Variants in SLAMF1 observed in about 807,000 individuals in gnomAD.
The protein encoded by SLAMF1 is signaling lymphocytic activation molecule.
SLAMF1 carries 18 observed loss-of-function variants against 35.1 expected under a neutral mutation model. The ratio of observed to expected loss-of-function variants is 0.51; its 90% CI spans 0.35 to 0.76. SLAMF1 has a LOEUF of 0.76. SLAMF1 is among the 30% of genes least tolerant of loss of function. The probability of loss-of-function intolerance (pLI) is 0.01; values close to 1 mark genes in which losing one functional copy is unlikely to be tolerated. For synonymous variants in SLAMF1, 168 were observed against 157.2 expected, an observed-to-expected ratio of 1.07 and a Z score of -0.51; for missense variants, 392 against 413.0, an observed-to-expected ratio of 0.95 and a Z score of 0.44.
chr1:160,645,830 C>T (rs139224528), intron 1 of SLAMF1, among the ~76,000 whole-genome samples: 2 of 152,214 alleles, frequency 1.3e-5, no homozygotes, highest in Non-Finnish European at 2.9e-5. Flanking sequence ...TTGTGCAGCA[C>T]CCCCACATCC....
chr1:160,619,940 C>T (rs188595623), intron 4 of SLAMF1, 91 bp from the exon 5 acceptor site: 38 of 835,566 alleles, frequency 4.5e-5, no homozygotes, highest in Non-Finnish European at 7.4e-5. Context: ...TTTGCATACC[C>T]ACTTTCCCCA....
chr1:160,620,000 T>C, intron 4 of SLAMF1, 151 bp from the exon 5 acceptor site: 1 of 663,522 alleles, frequency 1.5e-6, no homozygotes, highest in Non-Finnish European at 2.7e-6. Context: ...TGCACATTTG[T>C]CATATTGTCT....
chr1:160,646,522 G>T (rs1661046631), intron 1 of SLAMF1, among the ~76,000 whole-genome samples: 1 of 152,146 alleles, frequency 6.6e-6, no homozygotes, highest in South Asian at 2.1e-4. Flanking sequence ...GTCTCTCTAG[G>T]CTGGGTCTTT....
At chr1:160,638,882 C>T (rs1571009334) in intron 1 of SLAMF1, among the ~76,000 whole-genome samples, 1 of 152,320 alleles carries the variant, frequency 6.6e-6, no homozygotes, top group Middle Eastern at 3.4e-3. Context: ...TGCCTCTGCT[C>T]AGTTTTCTTG....
At chr1:160,632,539 G>A (rs1189288240) in intron 3 of SLAMF1, among the ~76,000 whole-genome samples, 1 of 152,148 alleles carries the variant, frequency 6.6e-6, no homozygotes, top group Non-Finnish European at 1.5e-5. Context: ...TGAGCTGAGT[G>A]CCCTTAGTAT....
intron 1 of SLAMF1, among the ~76,000 whole-genome samples, chr1:160,638,281 C>CT (rs1216934015): frequency 6.6e-6 from 1 of 152,136 alleles, no homozygotes; most frequent in Non-Finnish European, 1.5e-5. Context: ...GACGACTTTG[C>CT]TTTTTGTTTC....
At chr1:160,643,652 A>G (rs1660877205) in intron 1 of SLAMF1, among the ~76,000 whole-genome samples, 1 of 152,200 alleles carries the variant, frequency 6.6e-6, no homozygotes, top group African/African-American at 2.4e-5. Flanking sequence ...ATAGATGTAT[A>G]TATTTTCAGG....
In SLAMF1 at chr1:160,637,526, C is replaced by G; in HGVS notation, c.80G>C (p.Gly27Ala). ...AATCTTTGGGCAGTTCATCATGCGC[C>G]CACCTGTGGGAGGGAGGAGAAGAGA... is the stretch of plus-strand genomic sequence containing the variant. Reference protein sequence around the residue: ...LAFGASYGTGGRMMNCPKILR... With the variant: ...LAFGASYGTGARMMNCPKILR... Residue 27 changes from glycine (G) to alanine (A), a missense_variant, in exon 2 of 7, where the codon GGG becomes GCG. Transcript: ENST00000302035. The G allele has an allele frequency of 6.2e-7, 1 of 1,607,526 alleles. No individual in the cohort carries two copies. The highest frequency in any genetic ancestry group is 8.5e-7 in the Non-Finnish European group (1 of 1,178,948).
Position 160,610,747 on chromosome 1 carries a change from GTCAGCTCTCT to G in SLAMF1, c.999_1008del (p.Glu334ThrfsTer55), listed in dbSNP as rs758464291. ...GAAAGTCCCTTTGTTGGTCTCTGGTGTCAGCTCTCTGGAAGTGTCACACTAGCATAGACTG... is the reference window on the plus strand; with the variant it reads ...GAAAGTCCCTTTGTTGGTCTCTGGTGGGAAGTGTCACACTAGCATAGACTG... On this transcript the variant is annotated frameshift_variant and stop_lost, in exon 7 of 7. Coordinates refer to ENST00000302035, the MANE Select transcript of SLAMF1 (RefSeq NM_003037.5). LOFTEE classifies it high-confidence loss of function. The G allele has an allele frequency of 6.2e-7, 1 of 1,610,632 alleles. No individual in the cohort carries two copies. Among genetic ancestry groups the G allele is most frequent in the South Asian group, 1.1e-5 (1 of 91,010 alleles).
chr1:160,624,327 G>A, intron 3 of SLAMF1, 142 bp from the exon 4 acceptor site: 1 of 671,414 alleles, frequency 1.5e-6, no homozygotes, highest in Non-Finnish European at 2.5e-6. Flanking sequence ...TGGTTTTAGA[G>A]GTCAGCTTTA....
chr1:160,628,957 T>C (rs1199306297), intron 3 of SLAMF1, among the ~76,000 whole-genome samples: 1 of 152,238 alleles, frequency 6.6e-6, no homozygotes, highest in African/African-American at 2.4e-5. Context: ...CTCAGTCATG[T>C]AGTGAGGCCT....
At chr1:160,619,942 C>T in intron 4 of SLAMF1, 93 bp from the exon 5 acceptor site, 1 of 832,796 alleles carries the variant, frequency 1.2e-6, no homozygotes, top group Non-Finnish European at 2.1e-6. Flanking sequence ...TGCATACCCA[C>T]TTTCCCCAAG....
chr1:160,637,274 C>T lies in SLAMF1; in HGVS notation c.332G>A (p.Arg111Lys). The change falls in exon 2 of 7, where the codon AGG becomes AAG. Residue 111 changes from arginine (R) to lysine (K), a missense_variant. Arg to Lys is a conservative substitution (Grantham distance 26, BLOSUM62 2). Coordinates refer to ENST00000302035, the MANE Select transcript of SLAMF1 (RefSeq NM_003037.5). ...AAGGTACCATCCCTCATCCTCCTTCCTGCTTTCCCGTATCCCCAGGGTGAG... is the reference window on the plus strand; with the variant it reads ...AAGGTACCATCCCTCATCCTCCTTCTTGCTTTCCCGTATCCCCAGGGTGAG... The part of the protein sequence containing the change: ...ENLTLGIRES[R>K]KEDEGWYLMT... The T allele has an allele frequency of 1.9e-6, 3 of 1,614,068 alleles. No homozygotes were observed. Among genetic ancestry groups the T allele is most frequent in the Non-Finnish European group, 1.7e-6 (2 of 1,179,998 alleles).
chr1:160,625,847 G>GTGTGTGTGTA (rs1553240257), intron 3 of SLAMF1, among the ~76,000 whole-genome samples: 350 of 148,238 alleles, frequency 2.4e-3, no homozygotes, highest in African/African-American at 8.1e-3. Flanking sequence ...GTGTGTGTGT[G>GTGTGTGTGTA]TGTGTGTATG....
Position 160,647,038 on chromosome 1 carries a change from G to T in SLAMF1, c.-93C>A. 2 of 702,434 alleles carry T rather than the reference G, an allele frequency of 2.8e-6. No homozygotes were observed. Among genetic ancestry groups the T allele is most frequent in the East Asian group, 2.7e-5 (1 of 36,428 alleles). 43.5% of individuals were successfully genotyped at this position (702,434 alleles called of 1,614,324 possible). A position where few individuals can be genotyped will look rare whatever the true frequency, so the allele number is the denominator to read the frequency against. On this transcript the variant is annotated 5_prime_UTR_variant, in exon 1 of 7. Coordinates refer to ENST00000302035, the MANE Select transcript of SLAMF1 (RefSeq NM_003037.5). The stretch of plus-strand genomic sequence containing the variant: ...GCAAGCTTCGTGTCATGCAGCAGAG[G>T]CTGTCTGATTTATGTATCAGGAACC...
intron 5 of SLAMF1, among the ~76,000 whole-genome samples, chr1:160,615,109 ATT>A (rs1659219179): frequency 6.6e-6 from 1 of 152,148 alleles, no homozygotes; most frequent in African/African-American, 2.4e-5. Context: ...GAATAAAGGC[ATT>A]GTTAGTTTTT....
rs570934855 is a variant in SLAMF1 at position 160,617,087 on chromosome 1, C to T, written c.864+2689G>A. 7.3e-5 allele frequency among the ~76,000 whole-genome samples: 11 copies of T among 151,418 alleles called. No homozygotes were observed. The East Asian group carries it at 7.8e-4, about 11-fold the overall frequency. On this transcript the variant is annotated intron_variant, in intron 5 of 6. Coordinates refer to ENST00000302035, the MANE Select transcript of SLAMF1 (RefSeq NM_003037.5). ...AGGAGAATGGCTTGAACCCAGGAGG[C>T]GGAGGTTGCAGTAAGACAAGATCAC...
chr1:160,631,537 G>A (rs998898247), intron 3 of SLAMF1, among the ~76,000 whole-genome samples: 9 of 152,216 alleles, frequency 5.9e-5, no homozygotes, highest in African/African-American at 1.9e-4. Context: ...GAATATGACC[G>A]TATTTGGAGG....
At position 160,608,738 on chromosome 1, in the gene SLAMF1, G is replaced by T. The variant is rs1658825792; in HGVS notation, c.*2010C>A. The stretch of plus-strand genomic sequence containing the variant: ...AATCTGAGTTGTAGTAAAGGAATGG[G>T]TGCTCATAAGCCCGGGTTTACAAAT... On this transcript the variant is annotated 3_prime_UTR_variant, in exon 7 of 7. Transcript: ENST00000302035. 2 of 60,142 alleles carry T rather than the reference G, an allele frequency of 3.3e-5. No homozygotes were observed. The highest frequency in any genetic ancestry group is 1.3e-4 in the African/African-American group (2 of 14,990). The allele number at this position is 60,142 out of a possible 1,614,324, so 3.7% of individuals were successfully genotyped here. A position where few individuals can be genotyped will look rare whatever the true frequency, so the allele number is the denominator to read the frequency against.
Sources: allele counts gnomAD v4.1 joint callset (sites outside exome capture counted in the v4.1 genomes callset), GRCh38; gene constraint gnomAD v4.1.1; transcripts MANE v1.5; gene names NCBI Gene and HGNC (gene_info 2026-07-23, HGNC 2026-07-21).